PLEKHG1: variants seen among roughly 807,000 people sequenced by gnomAD.
PLEKHG1 encodes the protein pleckstrin homology domain-containing family G member 1.
A neutral mutation model predicts 100.8 loss-of-function variants in PLEKHG1; 44 were observed. The observed-to-expected ratio is 0.44, with a 90% CI of 0.34 to 0.56. The LOEUF is 0.56. Among genes scored for constraint, PLEKHG1 ranks in the 20% least tolerant of loss-of-function variants. PLEKHG1 has a pLI of 0.01. For missense variants in PLEKHG1, 1,545 were observed against 1,720.9 expected, an observed-to-expected ratio of 0.90 and a Z score of 1.81; for synonymous variants, 640 against 662.5, an observed-to-expected ratio of 0.97 and a Z score of 0.52.
At chr6:150,647,850 A>G (rs1055779387) in intron 2 of PLEKHG1, among the ~76,000 whole-genome samples, 1 of 152,180 alleles carries the variant, frequency 6.6e-6, no homozygotes, top group South Asian at 2.1e-4. Flanking sequence ...GTTCTCAAGT[A>G]TTCACCTATA....
chr6:150,689,056 A>G (rs1188049925), intron 3 of PLEKHG1, among the ~76,000 whole-genome samples: 2 of 152,216 alleles, frequency 1.3e-5, no homozygotes, highest in African/African-American at 4.8e-5. Context: ...CCTGTCTTTG[A>G]TAACTTCTAA....
At chr6:150,799,729 A>AC (rs1203303174) in intron 5 of PLEKHG1, among the ~76,000 whole-genome samples, 12 of 152,208 alleles carry the variant, frequency 7.9e-5, no homozygotes, top group African/African-American at 2.7e-4. Flanking sequence ...CTAATGGTTT[A>AC]ATTACGAAAC....
chr6:150,824,857 T>C (rs1776505417), intron 14 of PLEKHG1, among the ~76,000 whole-genome samples: 1 of 152,180 alleles, frequency 6.6e-6, no homozygotes, highest in Admixed American at 6.6e-5. Flanking sequence ...TAAGTGATTG[T>C]CATGGCTGAG....
At chr6:150,663,690 A>C (rs905096884) in intron 3 of PLEKHG1, 4 of 151,720 alleles carry the variant, frequency 2.6e-5, no homozygotes, top group African/African-American at 4.9e-5. Context: ...AGCAGCTGGG[A>C]CTACAGGCAC....
chr6:150,630,952 G>A (rs546526652), intron 1 of PLEKHG1, among the ~76,000 whole-genome samples: 7 of 152,206 alleles, frequency 4.6e-5, no homozygotes, highest in East Asian at 1.9e-4. Flanking sequence ...AAGGAGAGTC[G>A]ATCATTGGAT....
upstream of PLEKHG1, among the ~76,000 whole-genome samples, chr6:150,719,487 C>G (rs1781574708): frequency 6.6e-6 from 1 of 152,240 alleles, no homozygotes; most frequent in East Asian, 1.9e-4. Context: ...GTTCCCTGCC[C>G]CCAACAGCTA....
At chr6:150,621,002 G>A (rs1777276980) in intron 1 of PLEKHG1, among the ~76,000 whole-genome samples, 1 of 152,090 alleles carries the variant, frequency 6.6e-6, no homozygotes, top group Admixed American at 6.6e-5. Flanking sequence ...AAAACCTTTG[G>A]CCTCTCTTGG....
Position 150,834,777 on chromosome 6 carries a change from C to G in PLEKHG1, c.3094+2572C>G, listed in dbSNP as rs140546779. ...GGGCTCCTGTCGACGTTCTCCCCAGCAAGGAGGAGGAAATCTCTCCCGAGT... is the reference window on the plus strand; with the variant it reads ...GGGCTCCTGTCGACGTTCTCCCCAGGAAGGAGGAGGAAATCTCTCCCGAGT... On this transcript the variant is annotated intron_variant, in intron 15 of 15. Transcript: ENST00000358517. 2.0e-3 allele frequency among the ~76,000 whole-genome samples: 307 copies of G among 152,298 alleles called. 2 individuals carry two copies. The highest frequency in any genetic ancestry group is 6.3e-3 in the African/African-American group (263 of 41,552).
chr6:150,779,354 T>TTTTTTTTGTTTTG (rs1785179440), intron 3 of PLEKHG1, among the ~76,000 whole-genome samples: 2 of 147,168 alleles, frequency 1.4e-5, no homozygotes, highest in East Asian at 2.0e-4. Context: ...GTTTTTTTTT[T>TTTTTTTTGTTTTG]TTTTTTTTTG....
intron 1 of PLEKHG1, among the ~76,000 whole-genome samples, chr6:150,730,278 G>C (rs939061922): frequency 2.0e-5 from 3 of 150,894 alleles, no homozygotes; most frequent in Non-Finnish European, 2.9e-5. Flanking sequence ...TTTGACACCA[G>C]GGACTGGTTT....
chr6:150,796,339 T>C (rs1399108083), intron 5 of PLEKHG1, among the ~76,000 whole-genome samples: 2 of 152,184 alleles, frequency 1.3e-5, no homozygotes, highest in African/African-American at 2.4e-5. Context: ...TATATAAGTT[T>C]AATGGAGTTC....
rs114024527 is a variant in PLEKHG1, at chr6:150,670,446, G to A, written c.-99+19660G>A. On this transcript the variant is annotated intron_variant, in intron 3 of 3. Coordinates refer to the PLEKHG1 transcript ENST00000367326. ...AAGGCTAACCCAGAAGGACAACATC[G>A]AAGCCCTGAGCAGGGCAGCCACCTA... Among the ~76,000 whole-genome samples, 1,083 of 152,160 alleles carry A rather than the reference G, an allele frequency of 7.1e-3. 10 individuals carry two copies. Among genetic ancestry groups the A allele is most frequent in the African/African-American group, 0.024 (989 of 41,494 alleles).
chr6:150,763,464 A>C (rs1409551515), intron 2 of PLEKHG1, among the ~76,000 whole-genome samples: 1 of 152,242 alleles, frequency 6.6e-6, no homozygotes, highest in East Asian at 1.9e-4. Flanking sequence ...CAGCCTGAGC[A>C]CATGGAAATC....
intron 1 of PLEKHG1, among the ~76,000 whole-genome samples, chr6:150,617,683 G>A (rs1364580701): frequency 6.6e-6 from 1 of 152,190 alleles, no homozygotes. Context: ...GGTGAGCGGT[G>A]AATACAGCTG....
At chr6:150,813,043 C>T (rs182340388) in intron 10 of PLEKHG1, among the ~76,000 whole-genome samples, 1 of 152,034 alleles carries the variant, frequency 6.6e-6, no homozygotes, top group African/African-American at 2.4e-5. Flanking sequence ...CGGTGGCTCA[C>T]ACCTGTAATC....
exon 2 of PLEKHG1, chr6:150,733,947 C>G (rs768881283): frequency 1.2e-6 from 2 of 1,614,182 alleles, no homozygotes; most frequent in Admixed American, 1.7e-5. Context: ...CCACCCAGAG[C>G]GCAGTGGAGA....
intron 5 of PLEKHG1, 23 bp from the exon 7 acceptor site, chr6:150,800,696 A>G: frequency 6.2e-7 from 1 of 1,606,836 alleles, no homozygotes; most frequent in Admixed American, 1.7e-5. Flanking sequence ...CAATTTAGAT[A>G]AAAACATGGA....
At chr6:150,630,325 A>T (rs1360895559) in intron 1 of PLEKHG1, among the ~76,000 whole-genome samples, 1 of 152,216 alleles carries the variant, frequency 6.6e-6, no homozygotes, top group African/African-American at 2.4e-5. Flanking sequence ...CAAGGAGATC[A>T]GTGGCCAGGA....
intron 1 of PLEKHG1, among the ~76,000 whole-genome samples, chr6:150,608,191 C>G (rs1260468470): frequency 6.6e-6 from 1 of 152,146 alleles, no homozygotes; most frequent in Non-Finnish European, 1.5e-5. Context: ...TTCTAAAAAG[C>G]ATCCTTATTA....
Sources: allele counts gnomAD v4.1 joint callset (sites outside exome capture counted in the v4.1 genomes callset), GRCh38; gene constraint gnomAD v4.1.1; transcripts MANE v1.5; gene names NCBI Gene and HGNC (gene_info 2026-07-23, HGNC 2026-07-21).